Variants in TMEM161B observed in about 807,000 individuals in gnomAD.
The protein encoded by TMEM161B is transmembrane protein 161B.
TMEM161B carries 34 observed loss-of-function variants against 61.8 expected under a neutral mutation model. The ratio of observed to expected loss-of-function variants is 0.55; its 90% confidence interval spans 0.42 to 0.73. The LOEUF is 0.73. TMEM161B is among the 30% of genes least tolerant of loss of function. The probability of loss-of-function intolerance (pLI) is 0.00; values close to 1 mark genes in which losing one functional copy is unlikely to be tolerated. For missense variants in TMEM161B, 456 were observed against 558.5 expected, an observed-to-expected ratio of 0.82 and a Z score of 1.85; for synonymous variants, 167 against 192.8, an observed-to-expected ratio of 0.87 and a Z score of 1.11.
chr5:88,230,539 A>G (rs1750820758), intron 2 of TMEM161B, among the ~76,000 whole-genome samples: 1 of 152,164 alleles, frequency 6.6e-6, no homozygotes, highest in Admixed American at 6.5e-5. Context: ...GATCTGACCA[A>G]TGCCTACTTC....
chr5:88,210,044 T>TA (rs1395558715), intron 5 of TMEM161B, among the ~76,000 whole-genome samples: 1 of 152,218 alleles, frequency 6.6e-6, no homozygotes, highest in African/African-American at 2.4e-5. Context: ...GACAAAGTTG[T>TA]AAAGAAAGCA....
chr5:88,217,576 G>A (rs1268495316), intron 5 of TMEM161B, among the ~76,000 whole-genome samples: 5 of 150,896 alleles, frequency 3.3e-5, no homozygotes, highest in African/African-American at 7.3e-5. Context: ...AGCGGTGGGC[G>A]AGGGGGTGGT....
intron 5 of TMEM161B, among the ~76,000 whole-genome samples, chr5:88,214,471 T>C (rs1452725794): frequency 1.3e-5 from 2 of 152,122 alleles, no homozygotes; most frequent in Non-Finnish European, 2.9e-5. Flanking sequence ...AAACTATACA[T>C]TGTAAAATAT....
At chr5:88,266,621 G>C (rs1756412182) in intron 1 of TMEM161B, among the ~76,000 whole-genome samples, 1 of 152,104 alleles carries the variant, frequency 6.6e-6, no homozygotes, top group East Asian at 1.9e-4. Flanking sequence ...GCAGAATCTG[G>C]GTCCTCTGGG....
At chr5:88,258,383 C>T (rs1472202114) in intron 1 of TMEM161B, among the ~76,000 whole-genome samples, 1 of 151,986 alleles carries the variant, frequency 6.6e-6, no homozygotes, top group Non-Finnish European at 1.5e-5. Flanking sequence ...GCTTCATTGT[C>T]CTGATGTTAA....
intron 1 of TMEM161B, among the ~76,000 whole-genome samples, chr5:88,265,963 T>C (rs1756322965): frequency 6.6e-6 from 1 of 152,238 alleles, no homozygotes; most frequent in Non-Finnish European, 1.5e-5. Context: ...GAAAGATTTA[T>C]ATTTGATCAA....
intron 10 of TMEM161B, 155 bp from the exon 11 acceptor site, chr5:88,197,920 C>A: frequency 1.2e-5 from 6 of 498,788 alleles, no homozygotes; most frequent in South Asian, 1.1e-4. Context: ...ATACATGTCC[C>A]CAAAATGACT....
intron 1 of TMEM161B, among the ~76,000 whole-genome samples, chr5:88,261,761 C>T (rs1488800159): frequency 8.2e-6 from 1 of 121,632 alleles, no homozygotes; most frequent in African/African-American, 3.0e-5. Flanking sequence ...AGACTCTAGA[C>T]ACACACCTTA....
rs957002427 is a variant in TMEM161B, at chr5:88,203,010, G to A, written c.866C>T (p.Thr289Ile). Residue 289 changes from threonine (T) to isoleucine (I), a missense_variant, in exon 9 of 12, where the codon ACC becomes ATC. This residue lies in a region of TMEM161B where 367 missense variants were observed against 427.3 expected (regional missense o/e 0.86). Transcript: ENST00000296595. ...FMVLLWVKPI[T>I]KDYIMNPPLG... ...TGGTGGGTTCATAATGTAGTCTTTG[G>A]TGATTGGTTTTACCCAGAGCAGAAC... The A allele has an allele frequency of 2.2e-5, 36 of 1,611,932 alleles. No individual in the cohort carries two copies. The highest frequency in any genetic ancestry group is 3.0e-5 in the Non-Finnish European group (35 of 1,178,456).
intron 11 of TMEM161B, 30 bp from the exon 12 acceptor site, chr5:88,196,518 G>T: frequency 6.6e-7 from 1 of 1,521,718 alleles, no homozygotes; most frequent in South Asian, 1.3e-5. Flanking sequence ...AATACAATTT[G>T]AAGAGTAACT....
At chr5:88,203,866 G>C (rs1366099085) in intron 8 of TMEM161B, among the ~76,000 whole-genome samples, 1 of 143,106 alleles carries the variant, frequency 7.0e-6, no homozygotes, top group East Asian at 2.0e-4. Context: ...AAAGGTTTCA[G>C]GTCTGCGCTA....
chr5:88,196,521 G>A, intron 11 of TMEM161B, 33 bp from the exon 12 acceptor site: 2 of 1,518,338 alleles, frequency 1.3e-6, no homozygotes, highest in Non-Finnish European at 8.8e-7. Flanking sequence ...ACAATTTGAA[G>A]AGTAACTAAT....
intron 1 of TMEM161B, chr5:88,259,105 C>T (rs1477007039): frequency 6.6e-6 from 1 of 152,130 alleles, no homozygotes; most frequent in Non-Finnish European, 1.5e-5. Flanking sequence ...TGCAGTGCCA[C>T]TTACTATTTA....
chr5:88,224,861 A>ATT (rs769622895), intron 4 of TMEM161B, among the ~76,000 whole-genome samples: 2 of 141,198 alleles, frequency 1.4e-5, no homozygotes, highest in African/African-American at 5.4e-5. Flanking sequence ...CAGGAAATAT[A>ATT]TTTTTTCTCC....
At chr5:88,212,266 A>G (rs1213111662) in intron 5 of TMEM161B, among the ~76,000 whole-genome samples, 1 of 152,212 alleles carries the variant, frequency 6.6e-6, no homozygotes, top group African/African-American at 2.4e-5. Context: ...AAGTCTAAAA[A>G]TAGTTACCTA....
chr5:88,224,009 A>T (rs1484694330), intron 4 of TMEM161B, among the ~76,000 whole-genome samples: 1 of 152,204 alleles, frequency 6.6e-6, no homozygotes, highest in East Asian at 1.9e-4. Context: ...TTACAGATGT[A>T]ATAATAAACT....
chr5:88,240,676 T>G, intron 2 of TMEM161B, 137 bp downstream of exon 2: 1 of 727,944 alleles, frequency 1.4e-6, no homozygotes, highest in Non-Finnish European at 2.2e-6. Flanking sequence ...AATTAATTTT[T>G]TAAGAGAAAT....
At chr5:88,223,888 C>CA (rs1358303412) in intron 4 of TMEM161B, among the ~76,000 whole-genome samples, 3 of 145,120 alleles carry the variant, frequency 2.1e-5, no homozygotes, top group South Asian at 2.2e-4. Flanking sequence ...GACTCCATCT[C>CA]AAAAAAAATA....
chr5:88,197,937 A>AGG, intron 10 of TMEM161B, 172 bp from the exon 11 acceptor site: 1 of 462,178 alleles, frequency 2.2e-6, no homozygotes, highest in South Asian at 6.0e-5. Flanking sequence ...GACTTTGGAA[A>AGG]GGCTCAATTT....
Sources: gnomAD v4.1 joint callset for allele counts (sites outside exome capture counted in the v4.1 genomes callset) on GRCh38, gnomAD v4.1.1 for gene constraint, gnomAD v4.1.1 regional missense constraint, MANE v1.5 for transcripts, NCBI Gene and HGNC (gene_info 2026-07-23, HGNC 2026-07-21) for gene names.